The following SLC25A40 variants were observed in gnomAD, a reference collection of about 807,000 sequenced individuals.
The protein encoded by SLC25A40 is solute carrier family 25 member 40.
A neutral mutation model predicts 46.5 loss-of-function variants in SLC25A40; 41 were observed. The observed-to-expected ratio is 0.88, with a 90% CI of 0.69 to 1.14. The LOEUF (loss-of-function observed/expected upper bound fraction) is 1.14, where lower values mean the gene tolerates loss of function less well. SLC25A40 is among the 50% of genes most tolerant of loss of function. The pLI is 0.00. For missense variants in SLC25A40, 386 were observed against 393.6 expected (o/e 0.98, Z 0.16); for synonymous variants, 126 against 127.5 (o/e 0.99, Z 0.08).
At chr7:87,855,040 T>C (rs545077741) in intron 4 of SLC25A40, among the ~76,000 whole-genome samples, 50 of 151,536 alleles carry the variant, frequency 3.3e-4, no homozygotes, top group African/African-American at 1.2e-3. Context: ...CACGTGCCTG[T>C]AGTCCCAGCT....
chr7:87,847,726 A>G (rs1431797282), intron 7 of SLC25A40, 127 bp downstream of exon 7: 18 of 914,582 alleles, frequency 2.0e-5, no homozygotes, highest in Admixed American at 7.4e-5. Flanking sequence ...TAACAAATTA[A>G]TATAAACTAT....
At chr7:87,862,051 C>G (rs1007803132) in intron 1 of SLC25A40, among the ~76,000 whole-genome samples, 1 of 152,066 alleles carries the variant, frequency 6.6e-6, no homozygotes, top group Admixed American at 6.5e-5. Flanking sequence ...CTCCCAGAGA[C>G]TTGGGAGTAC....
chr7:87,859,096 T>C (rs1838657878), intron 2 of SLC25A40, among the ~76,000 whole-genome samples: 1 of 152,088 alleles, frequency 6.6e-6, no homozygotes, highest in Non-Finnish European at 1.5e-5. Flanking sequence ...CATAAAAACA[T>C]AAAAAGTTTT....
At chr7:87,844,920 A>T (rs912992154) in intron 8 of SLC25A40, among the ~76,000 whole-genome samples, 10 of 152,146 alleles carry the variant, frequency 6.6e-5, no homozygotes, top group Non-Finnish European at 1.3e-4. Context: ...ACATAAAGAG[A>T]TGACATTCCT....
chr7:87,841,823 C>A, intron 9 of SLC25A40, 109 bp from the exon 10 acceptor site: 2 of 517,942 alleles, frequency 3.9e-6, no homozygotes, highest in South Asian at 4.4e-5. Flanking sequence ...AAACAATAAC[C>A]GAACTTTAAA....
chr7:87,874,887 C>A (rs1838958941), intron 1 of SLC25A40, among the ~76,000 whole-genome samples: 1 of 152,210 alleles, frequency 6.6e-6, no homozygotes, highest in Non-Finnish European at 1.5e-5. Flanking sequence ...CGCTTATAAT[C>A]AATTCTCTTA....
chr7:87,857,799 A>G (rs1838636871), intron 3 of SLC25A40, among the ~76,000 whole-genome samples: 1 of 152,250 alleles, frequency 6.6e-6, no homozygotes, highest in Non-Finnish European at 1.5e-5. Flanking sequence ...GAACAGAATA[A>G]CAGCGATTTT....
At chr7:87,863,284 C>A (rs910497544) in intron 1 of SLC25A40, among the ~76,000 whole-genome samples, 5 of 152,168 alleles carry the variant, frequency 3.3e-5, no homozygotes, top group African/African-American at 1.2e-4. Flanking sequence ...ATGAGAGGGA[C>A]CCAGTGAGAG....
chr7:87,838,901 TG>T (rs1380729048), intron 10 of SLC25A40, among the ~76,000 whole-genome samples: 1 of 151,668 alleles, frequency 6.6e-6, no homozygotes, highest in African/African-American at 2.4e-5. Flanking sequence ...AATTGCTGCA[TG>T]GTATTGCATT....
intron 9 of SLC25A40, among the ~76,000 whole-genome samples, chr7:87,842,909 GT>G (rs1228343506): frequency 1.3e-5 from 2 of 151,884 alleles, no homozygotes; most frequent in African/African-American, 2.4e-5. Context: ...ATACTAATTG[GT>G]TTTTTTGTTC....
intron 1 of SLC25A40, among the ~76,000 whole-genome samples, chr7:87,861,276 A>T (rs180754232): frequency 1.3e-5 from 2 of 152,334 alleles, no homozygotes; most frequent in East Asian, 3.9e-4. Flanking sequence ...CCACCAAAAG[A>T]ACCCTGGTTC....
At chr7:87,847,408 C>G (rs988152806) in intron 7 of SLC25A40, among the ~76,000 whole-genome samples, 1 of 152,108 alleles carries the variant, frequency 6.6e-6, no homozygotes, top group African/African-American at 2.4e-5. Context: ...ACTATGAAAA[C>G]CAAAGCCCAT....
At chr7:87,868,637 C>T (rs970192298) in intron 1 of SLC25A40, among the ~76,000 whole-genome samples, 2 of 152,130 alleles carry the variant, frequency 1.3e-5, no homozygotes, top group African/African-American at 2.4e-5. Flanking sequence ...TAAATGATAT[C>T]GCAAAGGGAA....
At chr7:87,864,005 T>C (rs1034516365) in intron 1 of SLC25A40, among the ~76,000 whole-genome samples, 2 of 152,252 alleles carry the variant, frequency 1.3e-5, no homozygotes, top group Non-Finnish European at 2.9e-5. Flanking sequence ...CTAGGACTTC[T>C]AGGTTCATCC....
At chr7:87,869,599 T>A (rs927389492) in intron 1 of SLC25A40, among the ~76,000 whole-genome samples, 2 of 152,130 alleles carry the variant, frequency 1.3e-5, no homozygotes, top group African/African-American at 4.8e-5. Context: ...GTACCCCCTT[T>A]TTTTCTGGTT....
Position 87,841,732 on chromosome 7 carries a change from T to C in SLC25A40, c.742-18A>G. ...GCAGCAAACTATCAGAAAGTAAAAT[T>C]GATTAATTTCAATCAACCTGTTAAT... is the stretch of plus-strand genomic sequence containing the variant. On this transcript the variant is annotated intron_variant, in intron 9 of 11. Transcript: ENST00000341119. 7.0e-7 allele frequency: 1 copy of C among 1,432,604 alleles called. No homozygotes were observed. The highest frequency in any genetic ancestry group is 1.6e-5 in the South Asian group (1 of 63,672). 88.7% of individuals were successfully genotyped at this position (1,432,604 alleles called of 1,614,324 possible).
intron 2 of SLC25A40, among the ~76,000 whole-genome samples, chr7:87,859,913 G>C (rs1014789293): frequency 6.6e-6 from 1 of 151,920 alleles, no homozygotes; most frequent in African/African-American, 2.4e-5. Context: ...ACTTGATACA[G>C]GGCCAGGTGT....
chr7:87,869,386 G>C (rs1002863378), intron 1 of SLC25A40, among the ~76,000 whole-genome samples: 4 of 152,036 alleles, frequency 2.6e-5, no homozygotes, highest in African/African-American at 9.7e-5. Context: ...AAATGAGCTA[G>C]GTGTAGTGGT....
In SLC25A40 at chr7:87,847,886, A is replaced by T; in HGVS notation, c.424T>A (p.Cys142Ser). ...LRSKLGENET[C>S]IPIVAGIVAR... is the part of the protein sequence containing the mutation. ...ACAATTCCAGCAACAATTGGTATGC[A>T]GGTTTCATTTTCTCCTAACTTAGAT... is the stretch of plus-strand genomic sequence containing the variant. The change falls in exon 7 of 12, where the codon TGC becomes AGC. Residue 142 changes from cysteine (C) to serine (S), a missense_variant. Physicochemically the swap from Cys to Ser is moderately radical, Grantham distance 112. Coordinates refer to ENST00000341119, the MANE Select transcript of SLC25A40 (RefSeq NM_018843.4). 4.3e-6 allele frequency: 7 copies of T among 1,611,722 alleles called. No homozygotes were observed. Among genetic ancestry groups the T allele is most frequent in the Non-Finnish European group, 4.2e-6 (5 of 1,179,174 alleles).
Sources: allele counts gnomAD v4.1 joint callset (sites outside exome capture counted in the v4.1 genomes callset), GRCh38; gene constraint gnomAD v4.1.1; transcripts MANE v1.5; gene names NCBI Gene and HGNC (gene_info 2026-07-23, HGNC 2026-07-21).